Variants in ASTN2 observed in about 807,000 individuals in gnomAD.
ASTN2 encodes the protein astrotactin 2.
A neutral mutation model predicts 139.8 loss-of-function variants in ASTN2; 54 were observed. The observed-to-expected ratio is 0.39, with a 90% CI of 0.31 to 0.48. ASTN2 has a LOEUF of 0.48. ASTN2 is among the 20% of genes least tolerant of loss of function. The pLI is 0.95. For missense variants in ASTN2, 1,565 were observed against 1,725.1 expected (o/e 0.91, Z 1.64); for synonymous variants, 756 against 719.5 (o/e 1.05, Z -0.81).
intron 2 of ASTN2, among the ~76,000 whole-genome samples, chr9:117,263,749 C>T (rs1274213683): frequency 3.3e-5 from 5 of 152,126 alleles, no homozygotes; most frequent in Non-Finnish European, 7.4e-5. Context: ...GTTAATCTTC[C>T]CTGGACACAC....
Position 117,414,563 on chromosome 9 carries a change from C to T in ASTN2, c.376G>A (p.Glu126Lys). The T allele has an allele frequency of 1.2e-6, 2 of 1,602,068 alleles. No individual in the cohort carries two copies. The highest frequency in any genetic ancestry group is 8.5e-7 in the Non-Finnish European group (1 of 1,175,182). ...TGCACCGCGATGCGCCCCGGCAGCT[C>T]GTTACGCACAAAGAGCAGGAGGCGC... ...ESRLLLFVRN[E>K]LPGRIAVQDD... The change falls in exon 1 of 23, where the codon GAG becomes AAG. Residue 126 changes from glutamate (E) to lysine (K), a missense_variant. Physicochemically the swap from Glu to Lys is moderately conservative, Grantham distance 56 (BLOSUM62 1). This residue lies in a region of ASTN2 where 596 missense variants were observed against 576.8 expected (regional missense o/e 1.03). Coordinates refer to ENST00000313400, the MANE Select transcript of ASTN2 (RefSeq NM_001365068.1). The surrounding 1 kb of genome is among the most constrained non-coding windows in gnomAD (Gnocchi z 4.2).
chr9:117,367,730 T>C (rs1034431075), intron 1 of ASTN2, among the ~76,000 whole-genome samples: 1 of 152,148 alleles, frequency 6.6e-6, no homozygotes, highest in African/African-American at 2.4e-5. Flanking sequence ...TTAATCAGGT[T>C]TGCAGAGATA....
At chr9:116,595,761 A>G (rs923788042) in intron 19 of ASTN2, among the ~76,000 whole-genome samples, 1 of 152,214 alleles carries the variant, frequency 6.6e-6, no homozygotes, top group Non-Finnish European at 1.5e-5. Context: ...GGAATGGGAC[A>G]AGTAAGGTCC....
At chr9:116,682,090 C>T (rs1859912489) in intron 16 of ASTN2, among the ~76,000 whole-genome samples, 1 of 151,612 alleles carries the variant, frequency 6.6e-6, no homozygotes, top group African/African-American at 2.4e-5. Context: ...GAACAGGCAA[C>T]CTACAAAATG....
chr9:116,835,274 GACTT>G, intron 11 of ASTN2, among the ~76,000 whole-genome samples: 1 of 152,116 alleles, frequency 6.6e-6, no homozygotes, highest in Middle Eastern at 3.4e-3. Flanking sequence ...TATACATTGT[GACTT>G]ACTTTCCAAT....
At chr9:116,598,699 A>G (rs1854712634) in intron 19 of ASTN2, among the ~76,000 whole-genome samples, 1 of 152,220 alleles carries the variant, frequency 6.6e-6, no homozygotes, top group Non-Finnish European at 1.5e-5. Context: ...TGGCATCTCT[A>G]CTTTATTCAT....
At chr9:117,158,086 T>C (rs921391486) in intron 3 of ASTN2, among the ~76,000 whole-genome samples, 8 of 152,012 alleles carry the variant, frequency 5.3e-5, no homozygotes, top group Admixed American at 4.6e-4. Flanking sequence ...TAAATACTTA[T>C]ACAAAATAAA....
intron 19 of ASTN2, among the ~76,000 whole-genome samples, chr9:116,617,835 G>A (rs951423934): frequency 7.2e-5 from 11 of 152,156 alleles, no homozygotes; most frequent in Non-Finnish European, 1.5e-4. Context: ...GATAATCAAA[G>A]GTATCCCTCT....
chr9:117,238,696 CAG>C (rs1167216276), intron 2 of ASTN2, among the ~76,000 whole-genome samples: 4 of 152,144 alleles, frequency 2.6e-5, no homozygotes, highest in Admixed American at 2.6e-4. Context: ...TGCTTGACTT[CAG>C]AGAGTGGACT....
intron 2 of ASTN2, among the ~76,000 whole-genome samples, chr9:117,266,052 T>C (rs1021824523): frequency 1.3e-5 from 2 of 152,220 alleles, no homozygotes; most frequent in South Asian, 4.1e-4. Flanking sequence ...CCCTGTGACC[T>C]ACCCAGATCC....
chr9:116,513,667 A>T (rs939428426), intron 19 of ASTN2, among the ~76,000 whole-genome samples: 1 of 152,146 alleles, frequency 6.6e-6, no homozygotes, highest in Non-Finnish European at 1.5e-5. Context: ...CTTTTCACAT[A>T]GTCCCATATT....
At chr9:117,084,214 T>G (rs1470926203) in intron 5 of ASTN2, among the ~76,000 whole-genome samples, 6 of 152,150 alleles carry the variant, frequency 3.9e-5, no homozygotes, top group Admixed American at 3.9e-4. Context: ...GTTTCTGTAT[T>G]TTACTGCATT....
chr9:116,971,887 C>T (rs1383495220), intron 10 of ASTN2, among the ~76,000 whole-genome samples: 1 of 152,142 alleles, frequency 6.6e-6, no homozygotes, highest in Non-Finnish European at 1.5e-5. Context: ...ACCACAACTC[C>T]AGAAAAACTC....
intron 5 of ASTN2, among the ~76,000 whole-genome samples, chr9:117,050,182 C>A (rs935859775): frequency 1.3e-5 from 2 of 152,118 alleles, no homozygotes; most frequent in Admixed American, 1.3e-4. Flanking sequence ...TAAGGCCAAG[C>A]AGTGAGTGCT....
intron 13 of ASTN2, among the ~76,000 whole-genome samples, chr9:116,775,440 AGAG>A (rs886104334): frequency 2.3e-5 from 3 of 128,100 alleles, no homozygotes; most frequent in Non-Finnish European, 5.0e-5. Context: ...GGGAGGGAGG[AGAG>A]GAGAAGAGAG....
At chr9:117,306,814 C>A (rs1835011199) in intron 1 of ASTN2, among the ~76,000 whole-genome samples, 1 of 152,060 alleles carries the variant, frequency 6.6e-6, no homozygotes, top group South Asian at 2.1e-4. Flanking sequence ...TCTTTAATGA[C>A]CACTGACTCA....
At position 116,446,225 on chromosome 9, in the gene ASTN2, G is replaced by GAGAGAC. The variant is rs145239991; in HGVS notation, c.3498-3678_3498-3673dup. 2.7e-5 allele frequency among the ~76,000 whole-genome samples: 4 copies of GAGAGAC among 150,812 alleles called. No individual in the cohort carries two copies. The East Asian group carries it at 5.9e-4, about 22-fold the overall frequency. On this transcript the variant is annotated intron_variant, in intron 20 of 22. Transcript: ENST00000313400. ...TGAAAGAGGGAGAGCCAGGGACAGA[G>GAGAGAC]AGAGACAGAGACAGAGACAGAGGGG...
In ASTN2 at chr9:116,425,782, A is replaced by G; in HGVS notation, c.*69T>C. On this transcript the variant is annotated 3_prime_UTR_variant, in exon 23 of 23. Transcript: ENST00000313400. ...CTGTCCCCCAGCCCACCCAGGCCCC[A>G]GGATCCAGGAGAATACTGCTCCCCC... 1 of 910,510 alleles carries G rather than the reference A, an allele frequency of 1.1e-6. No homozygotes were observed. The highest frequency in any genetic ancestry group is 1.7e-6 in the Non-Finnish European group (1 of 596,050). 56.4% of individuals were successfully genotyped at this position (910,510 alleles called of 1,614,324 possible).
intron 19 of ASTN2, among the ~76,000 whole-genome samples, chr9:116,598,936 C>A (rs1341503596): frequency 6.6e-6 from 1 of 152,130 alleles, no homozygotes; most frequent in Admixed American, 6.5e-5. Flanking sequence ...AGATAAAATA[C>A]CACTGTCTAA....
Sources: gnomAD v4.1 joint callset for allele counts (sites outside exome capture counted in the v4.1 genomes callset) on GRCh38, gnomAD v4.1.1 for gene constraint, gnomAD v4.1.1 regional missense constraint, Gnocchi (gnomAD v3.1) non-coding constraint, MANE v1.5 for transcripts, NCBI Gene and HGNC (gene_info 2026-07-23, HGNC 2026-07-21) for gene names.